Variants in GRM8 observed in about 807,000 individuals in gnomAD.
The protein encoded by GRM8 is metabotropic glutamate receptor 8.
Under a neutral mutation model 87.2 loss-of-function variants are expected in GRM8, and 47 were observed. The observed-to-expected ratio is 0.54, with a 90% confidence interval of 0.43 to 0.69. GRM8 has a LOEUF of 0.69. Among genes scored for constraint, GRM8 ranks in the 30% least tolerant of loss-of-function variants. The pLI is 0.00. For missense variants in GRM8, 1,019 were observed against 1,139.2 expected (o/e 0.89, Z 1.52); for synonymous variants, 396 against 404.5 (o/e 0.98, Z 0.25).
chr7:126,992,827 GTA>G (rs1282479982), intron 3 of GRM8, among the ~76,000 whole-genome samples: 94 of 145,166 alleles, frequency 6.5e-4, no homozygotes, highest in Admixed American at 1.2e-3. Context: ...GTGTGTGTGT[GTA>G]TGTGTGTGTG....
chr7:126,441,807 T>C (rs1801495378), intron 10 of GRM8, among the ~76,000 whole-genome samples: 2 of 151,946 alleles, frequency 1.3e-5, no homozygotes, highest in Admixed American at 1.3e-4. Context: ...CCCTAAGAAG[T>C]GCTACTATAG....
chr7:126,826,302 T>A (rs1794788022), intron 6 of GRM8, among the ~76,000 whole-genome samples: 1 of 152,202 alleles, frequency 6.6e-6, no homozygotes, highest in South Asian at 2.1e-4. Context: ...CCACACTGAC[T>A]TCCACAATGG....
At position 127,106,543 on chromosome 7, in the gene GRM8, T is replaced by C; in HGVS notation, c.680A>G (p.Tyr227Cys). Residue 227 changes from tyrosine to cysteine, a missense_variant, in exon 3 of 11, where the codon TAT (tyrosine) becomes TGT (cysteine). Transcript: ENST00000339582. ...GAAGGCCTCCACACCGCTCTCACCA[T>C]AGTTCCCCTCAGAAGCCAGTGTCGA... Reference protein sequence around the residue: ...YVSTLASEGNYGESGVEAFTQ... With the variant: ...YVSTLASEGNCGESGVEAFTQ... 6.2e-7 allele frequency: 1 copy of C among 1,614,114 alleles called. No homozygotes were observed. Among genetic ancestry groups the C allele is most frequent in the Non-Finnish European group, 8.5e-7 (1 of 1,179,986 alleles).
Position 126,980,214 on chromosome 7 carries a change from T to A in GRM8, c.728-75531A>T, listed in dbSNP as rs1410358174. ...AATATTTATCAATCCCTTGTCTAACTACTGAACATATAACCACAAATAAAA... is the reference window on the plus strand; with the variant it reads ...AATATTTATCAATCCCTTGTCTAACAACTGAACATATAACCACAAATAAAA... On this transcript the variant is annotated intron_variant, in intron 3 of 10. Coordinates refer to ENST00000339582, the MANE Select transcript of GRM8 (RefSeq NM_000845.3). 3.3e-5 allele frequency among the ~76,000 whole-genome samples: 5 copies of A among 152,206 alleles called. No homozygotes were observed. In the East Asian group the frequency reaches 7.7e-4, roughly 23 times the overall value.
chr7:126,806,547 C>G (rs1411863898), intron 6 of GRM8, among the ~76,000 whole-genome samples: 1 of 152,222 alleles, frequency 6.6e-6, no homozygotes, highest in Non-Finnish European at 1.5e-5. Flanking sequence ...CTGATTGGTC[C>G]GTTTTGACAG....
intron 6 of GRM8, among the ~76,000 whole-genome samples, chr7:126,823,369 GTTAAA>G (rs1167947237): frequency 6.6e-6 from 1 of 152,200 alleles, no homozygotes; most frequent in Non-Finnish European, 1.5e-5. Context: ...CCAACTAGCT[GTTAAA>G]TTAAGATACA....
chr7:126,459,774 T>C (rs1803684085), intron 9 of GRM8, among the ~76,000 whole-genome samples: 1 of 151,500 alleles, frequency 6.6e-6, no homozygotes, highest in East Asian at 2.0e-4. Context: ...GACAGCCCTA[T>C]GATAAGGAGA....
At chr7:126,470,700 AT>A (rs1338661452) in intron 9 of GRM8, among the ~76,000 whole-genome samples, 2 of 152,176 alleles carry the variant, frequency 1.3e-5, no homozygotes, top group South Asian at 2.1e-4. Flanking sequence ...CTTTGGGTAT[AT>A]ACCCAGTAAT....
chr7:126,990,571 G>A (rs1302503633), intron 3 of GRM8, among the ~76,000 whole-genome samples: 1 of 152,184 alleles, frequency 6.6e-6, no homozygotes, highest in Middle Eastern at 3.2e-3. Context: ...ATAAAAGATT[G>A]TTGACGTTAC....
At chr7:126,741,571 T>C (rs1815002982) in intron 7 of GRM8, among the ~76,000 whole-genome samples, 2 of 152,056 alleles carry the variant, frequency 1.3e-5, no homozygotes, top group African/African-American at 4.8e-5. Context: ...AGAACTGAAA[T>C]GTCCTCAAGA....
At chr7:126,832,882 C>T (rs183758466) in intron 6 of GRM8, among the ~76,000 whole-genome samples, 2 of 152,166 alleles carry the variant, frequency 1.3e-5, no homozygotes, top group African/African-American at 4.8e-5. Flanking sequence ...ACATTTACTG[C>T]CATTTGTTAA....
chr7:126,772,238 C>T (rs760522972), intron 6 of GRM8, among the ~76,000 whole-genome samples: 2 of 152,102 alleles, frequency 1.3e-5, no homozygotes, highest in Non-Finnish European at 2.9e-5. Flanking sequence ...CCCGGAAAAC[C>T]AGGATGGTTG....
At chr7:126,558,888 T>G (rs1020093347) in intron 8 of GRM8, among the ~76,000 whole-genome samples, 1 of 151,994 alleles carries the variant, frequency 6.6e-6, no homozygotes, top group Non-Finnish European at 1.5e-5. Context: ...AAGACCAAAG[T>G]AGTGAATCTA....
At chr7:126,861,133 C>T (rs1216271042) in intron 6 of GRM8, among the ~76,000 whole-genome samples, 2 of 152,050 alleles carry the variant, frequency 1.3e-5, no homozygotes, top group East Asian at 3.9e-4. Context: ...CCTACCCAGA[C>T]ATTATTATAA....
chr7:126,858,367 C>G (rs1279451092), intron 6 of GRM8, among the ~76,000 whole-genome samples: 1 of 152,114 alleles, frequency 6.6e-6, no homozygotes, highest in Non-Finnish European at 1.5e-5. Context: ...CCCAAATTCC[C>G]AAACTTGACC....
intron 3 of GRM8, among the ~76,000 whole-genome samples, chr7:126,954,119 G>A (rs1410440884): frequency 1.3e-5 from 2 of 152,038 alleles, no homozygotes; most frequent in Non-Finnish European, 2.9e-5. Flanking sequence ...TCTTCATGTT[G>A]TTATTGGTAA....
At chr7:126,585,610 G>A (rs1796030516) in intron 8 of GRM8, among the ~76,000 whole-genome samples, 1 of 152,074 alleles carries the variant, frequency 6.6e-6, no homozygotes, top group Admixed American at 6.5e-5. Context: ...CACAGAAAAT[G>A]CCTTTGAAAA....
intron 7 of GRM8, among the ~76,000 whole-genome samples, chr7:126,673,564 T>G (rs150956729): frequency 6.6e-6 from 1 of 152,286 alleles, no homozygotes; most frequent in Non-Finnish European, 1.5e-5. Flanking sequence ...ATCCTCCCAC[T>G]GTCTTTATAG....
At chr7:126,806,058 G>A (rs561650348) in intron 6 of GRM8, among the ~76,000 whole-genome samples, 5 of 152,190 alleles carry the variant, frequency 3.3e-5, no homozygotes, top group African/African-American at 9.7e-5. Flanking sequence ...GAATTGGTGG[G>A]TTCTTGGTCT....
Sources: allele counts gnomAD v4.1 joint callset (sites outside exome capture counted in the v4.1 genomes callset), GRCh38; gene constraint gnomAD v4.1.1; transcripts MANE v1.5; gene names NCBI Gene and HGNC (gene_info 2026-07-23, HGNC 2026-07-21).